TRRAP: variants seen among roughly 807,000 people sequenced by gnomAD.
The protein encoded by TRRAP is transformation/transcription domain associated protein.
A neutral mutation model predicts 438.8 loss-of-function variants in TRRAP; 41 were observed. The ratio of observed to expected loss-of-function variants is 0.09; its 90% confidence interval spans 0.07 to 0.12. The LOEUF is 0.12. Among genes scored for constraint, TRRAP ranks in the 10% least tolerant of loss-of-function variants. The pLI, the probability that TRRAP is intolerant of heterozygous loss-of-function variation, is 1.00. For synonymous variants in TRRAP, 1,994 were observed against 1,962.9 expected, an observed-to-expected ratio of 1.02 and a Z score of -0.42; for missense variants, 3,122 against 5,055.1, an observed-to-expected ratio of 0.62 and a Z score of 11.60.
rs1212619468 is a variant in TRRAP, at chr7:99,011,489, C to T, written c.11291C>T (p.Ala3764Val). Residue 3764 changes from alanine (A) to valine (V), a missense_variant, in exon 72 of 73, where the codon GCG becomes GTG. By Grantham distance (64) the Ala-to-Val change is moderately conservative. Coordinates refer to ENST00000456197, the MANE Select transcript of TRRAP (RefSeq NM_001375524.1). The surrounding 1 kb of genome is among the most constrained non-coding windows in gnomAD (Gnocchi z 7.1). The stretch of plus-strand genomic sequence containing the variant: ...ATCGGGGTCTCCGGCCCGTTGACAG[C>T]GTCCATGATTGCGGTCGCCCGGTGC... ...TTIGVSGPLT[A>V]SMIAVARCFA... 7 of 1,614,248 alleles carry T rather than the reference C, an allele frequency of 4.3e-6. No homozygotes were observed. Among genetic ancestry groups the T allele is most frequent in the Non-Finnish European group, 4.2e-6 (5 of 1,180,052 alleles).
At chr7:99,001,383 GA>G (rs2116844269) in intron 67 of TRRAP, among the ~76,000 whole-genome samples, 1 of 152,338 alleles carries the variant, frequency 6.6e-6, no homozygotes, top group African/African-American at 2.4e-5. Context: ...ACCCTTCTGA[GA>G]ACGGAAGAGT....
chr7:98,929,157 G>T (rs940066841), intron 23 of TRRAP, among the ~76,000 whole-genome samples: 1 of 151,886 alleles, frequency 6.6e-6, no homozygotes, highest in Non-Finnish European at 1.5e-5. Context: ...GGTCAGGCTG[G>T]TCTCATACTC....
intron 62 of TRRAP, among the ~76,000 whole-genome samples, chr7:98,987,852 G>T (rs926677418): frequency 6.6e-6 from 1 of 152,120 alleles, no homozygotes; most frequent in Non-Finnish European, 1.5e-5. Context: ...CTTCCCTTCT[G>T]TTCTAAATTT....
intron 35 of TRRAP, 39 bp from the exon 36 acceptor site, chr7:98,949,378 A>T: frequency 6.9e-7 from 1 of 1,459,190 alleles, no homozygotes; most frequent in Non-Finnish European, 9.1e-7. Flanking sequence ...TGTGAGTTTG[A>T]TTAGCTTAAA....
intron 23 of TRRAP, among the ~76,000 whole-genome samples, chr7:98,928,352 A>G (rs1249367882): frequency 1.3e-5 from 2 of 152,204 alleles, no homozygotes; most frequent in Non-Finnish European, 2.9e-5. Flanking sequence ...GTTCGTCTGC[A>G]GACCGCACTG....
chr7:98,910,124 T>A lies in TRRAP; in HGVS notation c.1419T>A (p.Pro473=). 6.2e-7 allele frequency: 1 copy of A among 1,609,364 alleles called. No homozygotes were observed. The highest frequency in any genetic ancestry group is 8.5e-7 in the Non-Finnish European group (1 of 1,177,542). ...CTGCCATTTTTAAGAAGTGTAAGCC[T>A]CAGTCAGAACTTGGAGCCGTGGAAG... is the stretch of plus-strand genomic sequence containing the variant. The part of the protein sequence containing the change: ...QLSAIFKKCK[P]QSELGAVEAA... Residue 473 remains proline, a synonymous_variant, in exon 15 of 73, where the codon CCT becomes CCA. Transcript: ENST00000456197.
chr7:98,895,921 G>C (rs1554405665), intron 7 of TRRAP, 101 bp downstream of exon 7: 2 of 871,428 alleles, frequency 2.3e-6, no homozygotes, highest in African/African-American at 1.7e-5. Flanking sequence ...GTGTGGGGAG[G>C]GTTTACTATT....
chr7:99,005,421 G>A lies in TRRAP; in HGVS notation c.10753+73G>A. 7.0e-7 allele frequency: 1 copy of A among 1,426,772 alleles called. No individual in the cohort carries two copies. Among genetic ancestry groups the A allele is most frequent in the Non-Finnish European group, 9.9e-7 (1 of 1,014,562 alleles). 88.4% of individuals were successfully genotyped at this position (1,426,772 alleles called of 1,614,324 possible). A position where few individuals can be genotyped will look rare whatever the true frequency, so the allele number is the denominator to read the frequency against. Reference sequence around the variant, plus strand: ...GTGGGGATGAGAGCCACACCTCGTGGGGTGCACAGGCAGCTCACGTTAGCC... The same window carrying A: ...GTGGGGATGAGAGCCACACCTCGTGAGGTGCACAGGCAGCTCACGTTAGCC... On this transcript the variant is annotated intron_variant, in intron 69 of 72. Coordinates refer to ENST00000456197, the MANE Select transcript of TRRAP (RefSeq NM_001375524.1). The surrounding 1 kb of genome is among the most constrained non-coding windows in gnomAD (Gnocchi z 5.1).
intron 58 of TRRAP, 39 bp downstream of exon 58, chr7:98,978,943 C>G (rs1413247959): frequency 6.2e-7 from 1 of 1,610,030 alleles, no homozygotes; most frequent in Admixed American, 1.7e-5. Context: ...CTGCCTGGGT[C>G]CCTTTTCCTG....
At position 98,938,672 on chromosome 7, in the gene TRRAP, C is replaced by T. The variant is rs569298614; in HGVS notation, c.4404+852C>T. Among the ~76,000 whole-genome samples, 15 of 152,272 alleles carry T rather than the reference C, an allele frequency of 9.9e-5. No individual in the cohort carries two copies. In the South Asian group the frequency reaches 3.1e-3, roughly 32 times the overall value. Reference sequence around the variant, plus strand: ...CAGAATACCTCATGACATGAACTTGCCATAATTTATTTAACCATGGCCTCA... The same window carrying T: ...CAGAATACCTCATGACATGAACTTGTCATAATTTATTTAACCATGGCCTCA... On this transcript the variant is annotated intron_variant, in intron 30 of 72. Transcript: ENST00000456197.
intron 2 of TRRAP, chr7:98,881,710 A>T (rs1795444625): frequency 2.4e-6 from 1 of 417,190 alleles, no homozygotes; most frequent in Middle Eastern, 3.2e-4. Flanking sequence ...CAAAGTGATG[A>T]GTAATACTGG....
Position 98,958,001 on chromosome 7 carries a change from G to A in TRRAP, c.6252G>A (p.Ser2084=), listed in dbSNP as rs952333023. The A allele has an allele frequency of 2.4e-5, 38 of 1,613,960 alleles. 1 individual carries two copies. The highest frequency in any genetic ancestry group is 5.3e-5 in the African/African-American group (4 of 74,902). ...TCCAGGTCTTTGGGAGGAGCCAGTCGCTACCTGGAGCAGACTCTCTCCTCG... is the reference window on the plus strand; with the variant it reads ...TCCAGGTCTTTGGGAGGAGCCAGTCACTACCTGGAGCAGACTCTCTCCTCG... ...AISAVFGRSQ[S]LPGADSLLAK... is the part of the protein sequence containing the mutation. The change falls in exon 44 of 73, where the codon TCG becomes TCA. Residue 2084 remains serine (S), a synonymous_variant. Transcript: ENST00000456197.
rs781904581 is a variant in TRRAP at position 98,910,220 on chromosome 7, C to T, written c.1515C>T (p.Ala505=). The change falls in exon 15 of 73, where the codon GCC becomes GCT. Residue 505 remains alanine (A), a synonymous_variant. Transcript: ENST00000456197. ...GPAPSPAPVP[A]PPPPPPPPPP... is the part of the protein sequence containing the mutation. The stretch of plus-strand genomic sequence containing the variant: ...CTCCCTCCCCAGCCCCTGTCCCTGC[C>T]CCACCTCCACCCCCGCCCCCACCCC... 7.2e-7 allele frequency: 1 copy of T among 1,395,304 alleles called. No homozygotes were observed. The highest frequency in any genetic ancestry group is 1.3e-5 in the South Asian group (1 of 76,844). 86.4% of individuals were successfully genotyped at this position (1,395,304 alleles called of 1,614,324 possible).
intron 7 of TRRAP, among the ~76,000 whole-genome samples, chr7:98,896,105 A>G (rs542446060): frequency 6.6e-6 from 1 of 152,280 alleles, no homozygotes; most frequent in Admixed American, 6.5e-5. Flanking sequence ...ATTTACTGGT[A>G]AGCAACCATT....
chr7:98,880,517 C>T (rs1416828787), intron 1 of TRRAP, among the ~76,000 whole-genome samples: 5 of 152,120 alleles, frequency 3.3e-5, no homozygotes, highest in South Asian at 4.1e-4. Flanking sequence ...CTGCCTTCGC[C>T]TTCCAAAGTG....
chr7:98,948,322 G>A lies in TRRAP; in HGVS notation c.4650G>A (p.Glu1550=), dbSNP rs1554417356. The change falls in exon 34 of 73, where the codon GAG becomes GAA. Residue 1550 remains glutamate (E), a synonymous_variant. Coordinates refer to ENST00000456197, the MANE Select transcript of TRRAP (RefSeq NM_001375524.1). The surrounding 1 kb of genome is among the most constrained non-coding windows in gnomAD (Gnocchi z 4.9). ...TGCTAGAGGTTGTCATGAAAACGGA[G>A]CGGGCGATGCTGATCGAGGTAAGGG... ...KPLLEVVMKT[E]RAMLIEAGSP... is the part of the protein sequence containing the mutation. The A allele has an allele frequency of 1.2e-6, 2 of 1,614,218 alleles. No homozygotes were observed. Among genetic ancestry groups the A allele is most frequent in the East Asian group, 4.5e-5 (2 of 44,884 alleles).
In TRRAP at chr7:98,917,198, ATTATAAT is replaced by A. The variant is rs535413061; in HGVS notation, c.2366-218_2366-212del. Among the ~76,000 whole-genome samples the A allele has an allele frequency of 6.6e-4, 101 of 152,320 alleles. 2 individuals are homozygous for A. In the South Asian group the frequency reaches 0.014, roughly 21 times the overall value. On this transcript the variant is annotated intron_variant, in intron 19 of 72. Transcript: ENST00000456197. Reference sequence around the variant, plus strand: ...ATATAGTACTATGATTATAATTTAAATTATAATTTATAACAGTTACATACGGCCTACT... The same window carrying A: ...ATATAGTACTATGATTATAATTTAAATTATAACAGTTACATACGGCCTACT...
At chr7:98,893,578 A>G (rs556468585) in intron 5 of TRRAP, among the ~76,000 whole-genome samples, 1 of 152,292 alleles carries the variant, frequency 6.6e-6, no homozygotes, top group Admixed American at 6.5e-5. Flanking sequence ...AGGCCAGTGA[A>G]GCCCCTGTCC....
In TRRAP at chr7:98,958,681, C is replaced by T. The variant is rs552265479; in HGVS notation, c.6342+590C>T. ...TGCCTTCTAGTTGACAGCATGTTAA[C>T]ATTGGTGGATTATGGTGGGACATGA... On this transcript the variant is annotated intron_variant, in intron 44 of 72. Transcript: ENST00000456197. Among the ~76,000 whole-genome samples, 152 of 152,208 alleles carry T rather than the reference C, an allele frequency of 1.0e-3. 1 individual carries two copies. The highest frequency in any genetic ancestry group is 3.6e-3 in the African/African-American group (149 of 41,524).
Sources: gnomAD v4.1 joint callset for allele counts (sites outside exome capture counted in the v4.1 genomes callset) on GRCh38, gnomAD v4.1.1 for gene constraint, Gnocchi (gnomAD v3.1) non-coding constraint, MANE v1.5 for transcripts, NCBI Gene and HGNC (gene_info 2026-07-23, HGNC 2026-07-21) for gene names.